RIF1: variants seen among roughly 807,000 people sequenced by gnomAD.
The protein encoded by RIF1 is telomere-associated protein RIF1.
Under a neutral mutation model 247.1 loss-of-function variants are expected in RIF1, and 45 were observed. The ratio of observed to expected loss-of-function variants is 0.18; its 90% confidence interval spans 0.14 to 0.23. RIF1 has a LOEUF of 0.23. RIF1 is among the 10% of genes least tolerant of loss of function. RIF1 has a pLI of 1.00. For synonymous variants in RIF1, 1,087 were observed against 978.8 expected (o/e 1.11, Z -2.06); for missense variants, 2,967 against 2,862.5 (o/e 1.04, Z -0.83).
chr2:151,506,163 T>C, intron 12 of RIF1: 1 of 1,605,200 alleles, frequency 6.2e-7, no homozygotes, highest in South Asian at 1.1e-5. Context: ...ACTGTGTCTT[T>C]ACCGAGCTAA....
At chr2:151,508,855 C>CAACAGTGGGAAA (rs1396089476), downstream of RIF1, among the ~76,000 whole-genome samples, 1 of 152,254 alleles carries the variant, frequency 6.6e-6, no homozygotes, top group African/African-American at 2.4e-5. Flanking sequence ...CTCTTCCAGA[C>CAACAGTGGGAAA]ACCAGTGGGC....
chr2:151,416,033 C>G (rs553765228), intron 4 of RIF1, among the ~76,000 whole-genome samples: 16 of 152,120 alleles, frequency 1.1e-4, no homozygotes, highest in Non-Finnish European at 1.8e-4. Flanking sequence ...AAGCACAGAA[C>G]CTAATGCTTT....
intron 34 of RIF1, among the ~76,000 whole-genome samples, chr2:151,472,988 A>C (rs1282429590): frequency 6.6e-6 from 1 of 152,080 alleles, no homozygotes; most frequent in East Asian, 1.9e-4. Context: ...TCGGCTGTGA[A>C]TTCATCTGGT....
intron 25 of RIF1, among the ~76,000 whole-genome samples, chr2:151,459,336 T>C (rs571398277): frequency 2.0e-5 from 3 of 152,352 alleles, no homozygotes; most frequent in East Asian, 3.9e-4. Flanking sequence ...GCTAATAATA[T>C]TTGATTACTG....
At chr2:151,456,695 C>A in intron 23 of RIF1, 75 bp downstream of exon 23, 1 of 854,258 alleles carries the variant, frequency 1.2e-6, no homozygotes, top group Non-Finnish European at 1.8e-6. Context: ...TTTTCTTAAA[C>A]ATAATTCTGC....
At chr2:151,524,286 C>A in the RIF1 span, 1 of 1,585,686 alleles carries the variant, frequency 6.3e-7, no homozygotes, top group Non-Finnish European at 8.7e-7. Flanking sequence ...CACATGAGAG[C>A]CACCAGTGCA....
chr2:151,419,350 G>A (rs923289010), intron 6 of RIF1, among the ~76,000 whole-genome samples: 8 of 151,312 alleles, frequency 5.3e-5, no homozygotes, highest in African/African-American at 1.2e-4. Context: ...TTTTTGAGAC[G>A]GAATCTTGCT....
rs759348220 is a variant in RIF1 at position 151,463,373 on chromosome 2, AAG to A, written c.3857_3858del (p.Arg1286IlefsTer7). The A allele has an allele frequency of 6.2e-7, 1 of 1,614,062 alleles. No homozygotes were observed. On this transcript the variant is annotated frameshift_variant, in exon 30 of 36. Coordinates refer to ENST00000444746, the MANE Select transcript of RIF1 (RefSeq NM_018151.5). LOFTEE classifies it high-confidence loss of function. ...SDSEKIVNGT[K>X]RSSRRAGKAE... ...TTCTGAAAAAATAGTGAATGGAACT[AAG>A]AGATCAAGCCGGAGAGCTGGTAAAG...
At position 151,458,799 on chromosome 2, in the gene RIF1, AC is replaced by A; in HGVS notation, c.2856-11del. ...TTGACTTAAGGTATATATTTTATGT[AC>A]TTTTTTAAAGACCAGTACTAACACA... On this transcript the variant is annotated splice_polypyrimidine_tract_variant and intron_variant, in intron 24 of 35. Transcript: ENST00000444746. The A allele has an allele frequency of 2.0e-6, 3 of 1,533,938 alleles. No individual in the cohort carries two copies. Among genetic ancestry groups the A allele is most frequent in the South Asian group, 2.3e-5 (2 of 87,280 alleles).
intron 9 of RIF1, chr2:151,494,945 G>A: frequency 6.5e-6 from 1 of 153,072 alleles, no homozygotes; most frequent in Non-Finnish European, 1.5e-5. Context: ...ACCACACCTG[G>A]CCCACAGCAG....
intron 21 of RIF1, among the ~76,000 whole-genome samples, chr2:151,453,093 T>G (rs1183112698): frequency 6.6e-6 from 1 of 152,232 alleles, no homozygotes; most frequent in Non-Finnish European, 1.5e-5. Context: ...TGCAAGAGTT[T>G]ATGTGGAAAC....
chr2:151,533,322 A>T, the RIF1 span: 1 of 665,094 alleles, frequency 1.5e-6, no homozygotes. Flanking sequence ...ATATTTACAT[A>T]GCTTTACCAT....
chr2:151,473,806 A>G lies in RIF1; in HGVS notation c.7096-158A>G, dbSNP rs549268955. Among the ~76,000 whole-genome samples the G allele has an allele frequency of 2.0e-5, 3 of 152,252 alleles. No homozygotes were observed. In the South Asian group the frequency reaches 6.2e-4, roughly 32 times the overall value. On this transcript the variant is annotated intron_variant, in intron 34 of 35. Transcript: ENST00000444746. ...GCTTTATTTTGTGTAGTTAGAACCT[A>G]CTTTCTTAGCAGTATTAGCTCTTAA...
the RIF1 span, chr2:151,518,923 T>C: frequency 2.2e-6 from 3 of 1,388,330 alleles, no homozygotes; most frequent in Non-Finnish European, 3.1e-6. Context: ...TAGTTCCAAA[T>C]GGGTAAAACA....
At chr2:151,516,520 A>G in the RIF1 span, 28 of 1,613,506 alleles carry the variant, frequency 1.7e-5, no homozygotes, top group South Asian at 2.5e-4. Flanking sequence ...AAAGTCCAGC[A>G]TGGGTTTTCC....
At chr2:151,434,437 A>ATTTT (rs754795986) in intron 10 of RIF1, among the ~76,000 whole-genome samples, 20,557 of 106,614 alleles carry the variant, frequency 0.19, 2,231 homozygotes, top group Non-Finnish European at 0.27. Flanking sequence ...TGGTTTTTGA[A>ATTTT]TTTTTTTTTT....
intron 9 of RIF1, chr2:151,493,942 G>A (rs1377787327): frequency 9.0e-6 from 10 of 1,108,296 alleles, no homozygotes; most frequent in South Asian, 4.7e-5. Flanking sequence ...AAGTTGGGGG[G>A]AAATGTTATG....
chr2:151,487,066 C>CGT (rs370944400), downstream of RIF1, among the ~76,000 whole-genome samples: 6 of 152,012 alleles, frequency 3.9e-5, no homozygotes, highest in Non-Finnish European at 8.8e-5. Flanking sequence ...TGCGCATGTG[C>CGT]GTGTGTGTGT....
At chr2:151,531,267 G>A in the RIF1 span, among the ~76,000 whole-genome samples, 9 of 150,384 alleles carry the variant, frequency 6.0e-5, no homozygotes, top group Admixed American at 1.3e-4. Flanking sequence ...TCCAGCTGGC[G>A]TGTCTGCCAG....
Sources: gnomAD v4.1 joint callset for allele counts (sites outside exome capture counted in the v4.1 genomes callset) on GRCh38, gnomAD v4.1.1 for gene constraint, MANE v1.5 for transcripts, NCBI Gene and HGNC (gene_info 2026-07-23, HGNC 2026-07-21) for gene names.